Variants in RANBP2 observed in about 807,000 individuals in gnomAD.
The protein encoded by RANBP2 is E3 SUMO-protein ligase RanBP2.
Under a neutral mutation model 303.6 loss-of-function variants are expected in RANBP2, and 57 were observed. The observed-to-expected ratio is 0.19, with a 90% CI of 0.15 to 0.23. The LOEUF (loss-of-function observed/expected upper bound fraction) is 0.23, where lower values mean the gene tolerates loss of function less well. Among genes scored for constraint, RANBP2 ranks in the 10% least tolerant of loss-of-function variants. RANBP2 has a pLI of 1.00. For synonymous variants in RANBP2, 1,167 were observed against 1,301.5 expected, an observed-to-expected ratio of 0.90 and a Z score of 2.23; for missense variants, 3,138 against 3,780.8, an observed-to-expected ratio of 0.83 and a Z score of 4.46.
the RANBP2 span, among the ~76,000 whole-genome samples, chr2:109,136,439 G>C: frequency 1.3e-5 from 2 of 152,294 alleles, no homozygotes; most frequent in Admixed American, 1.3e-4. Context: ...TGGCAACAGT[G>C]AATGGTTTAC....
At chr2:109,538,283 C>T in the RANBP2 span, among the ~76,000 whole-genome samples, 1 of 152,212 alleles carries the variant, frequency 6.6e-6, no homozygotes, top group African/African-American at 2.4e-5. Flanking sequence ...CCAACCACAC[C>T]TAGACAGTCC....
the RANBP2 span, chr2:109,564,442 G>A: frequency 1.3e-6 from 2 of 1,598,862 alleles, no homozygotes; most frequent in Non-Finnish European, 1.7e-6. Flanking sequence ...AGCTCATAGT[G>A]CCTGGTATGG....
the RANBP2 span, chr2:109,614,648 C>A: frequency 6.8e-7 from 1 of 1,472,048 alleles, no homozygotes; most frequent in South Asian, 1.3e-5. Context: ...CCCGCGCCCG[C>A]GCGCACTTCA....
chr2:109,332,684 C>A, the RANBP2 span, among the ~76,000 whole-genome samples: 2 of 152,178 alleles, frequency 1.3e-5, no homozygotes, highest in Non-Finnish European at 2.9e-5. Context: ...GGCGATGAGT[C>A]ACCCTTCTGA....
the RANBP2 span, among the ~76,000 whole-genome samples, chr2:108,999,226 G>A: frequency 6.6e-6 from 1 of 152,268 alleles, no homozygotes; most frequent in Admixed American, 6.5e-5. Flanking sequence ...AAAAATAACA[G>A]TACCTACTTC....
At chr2:109,035,255 A>G in the RANBP2 span, among the ~76,000 whole-genome samples, 1 of 152,212 alleles carries the variant, frequency 6.6e-6, no homozygotes, top group African/African-American at 2.4e-5. Flanking sequence ...ATAGTGAAAT[A>G]TGACAAACAG....
chr2:109,069,939 C>G, the RANBP2 span, among the ~76,000 whole-genome samples: 1 of 152,184 alleles, frequency 6.6e-6, no homozygotes, highest in Non-Finnish European at 1.5e-5. Flanking sequence ...CAGGAATAAG[C>G]AGTGTACTTT....
At chr2:108,869,460 A>C in the RANBP2 span, among the ~76,000 whole-genome samples, 1 of 152,174 alleles carries the variant, frequency 6.6e-6, no homozygotes. Context: ...TGCCTCGTTC[A>C]GGGCACATAC....
the RANBP2 span, among the ~76,000 whole-genome samples, chr2:109,648,972 G>A: frequency 0.084 from 12,745 of 152,172 alleles, 968 homozygotes; most frequent in East Asian, 0.24. Context: ...ACTGGTTGCG[G>A]GTGAGAGGGC....
the RANBP2 span, among the ~76,000 whole-genome samples, chr2:109,326,112 C>T: frequency 3.3e-5 from 5 of 152,366 alleles, no homozygotes; most frequent in Non-Finnish European, 5.9e-5. Context: ...TTTAAGGACA[C>T]ACACGTATGT....
chr2:108,894,369 A>C, the RANBP2 span: 1 of 152,704 alleles, frequency 6.5e-6, no homozygotes, highest in Non-Finnish European at 1.5e-5. Context: ...CTCATCATAC[A>C]TAGGGCAATA....
chr2:109,719,716 T>C, the RANBP2 span, among the ~76,000 whole-genome samples: 1 of 152,060 alleles, frequency 6.6e-6, no homozygotes, highest in Non-Finnish European at 1.5e-5. Context: ...ATGAATTATA[T>C]CTTAATAAAG....
At chr2:109,654,292 T>G in the RANBP2 span, among the ~76,000 whole-genome samples, 45 of 152,114 alleles carry the variant, frequency 3.0e-4, 1 homozygote, top group East Asian at 8.4e-3. Context: ...TCTTGTAATT[T>G]GGAAGTCTAC....
At chr2:109,289,486 C>T in the RANBP2 span, among the ~76,000 whole-genome samples, 1 of 152,128 alleles carries the variant, frequency 6.6e-6, no homozygotes, top group Non-Finnish European at 1.5e-5. Flanking sequence ...TGGTGCTGCT[C>T]TTATACGCAC....
chr2:109,627,384 A>G, the RANBP2 span, among the ~76,000 whole-genome samples: 2 of 152,032 alleles, frequency 1.3e-5, no homozygotes, highest in Admixed American at 6.6e-5. Flanking sequence ...TTTAGTAGAG[A>G]TGGGGTTTCA....
chr2:108,749,516 T>C (rs1486078301), intron 9 of RANBP2, among the ~76,000 whole-genome samples: 2 of 152,042 alleles, frequency 1.3e-5, no homozygotes, highest in African/African-American at 4.8e-5. Context: ...CAGGCTGGTC[T>C]CAAACTCCTG....
chr2:108,907,993 T>C, the RANBP2 span: 1 of 1,610,450 alleles, frequency 6.2e-7, no homozygotes, highest in Non-Finnish European at 8.5e-7. Flanking sequence ...CAGCAGCTGC[T>C]CATTCTCGGA....
the RANBP2 span, among the ~76,000 whole-genome samples, chr2:109,741,371 A>G: frequency 1.1e-4 from 16 of 152,212 alleles, no homozygotes; most frequent in South Asian, 4.1e-4. Context: ...GATAGTTGTC[A>G]GCAAATCAGG....
At position 108,736,191 on chromosome 2, in the gene RANBP2, C is replaced by A. The variant is rs779174088; in HGVS notation, c.724C>A (p.Leu242Ile). The A allele has an allele frequency of 1.2e-6, 2 of 1,611,930 alleles. No individual in the cohort carries two copies. Among genetic ancestry groups the A allele is most frequent in the Non-Finnish European group, 8.5e-7 (1 of 1,179,834 alleles). ...AGACTTACTGCTGGCCTATGCTAAT[C>A]TTATGCTTCTTACGCTTTCCACTAG... Reference protein sequence around the residue: ...NTDLLLAYANLMLLTLSTRDV... With the variant: ...NTDLLLAYANIMLLTLSTRDV... The change falls in exon 6 of 29, where the codon CTT becomes ATT. Residue 242 changes from leucine (L) to isoleucine (I), a missense_variant. This residue lies in a region of RANBP2 where 306 missense variants were observed against 381.9 expected (regional missense o/e 0.80). Coordinates refer to ENST00000283195, the MANE Select transcript of RANBP2 (RefSeq NM_006267.5).
Sources: gnomAD v4.1 joint callset for allele counts (sites outside exome capture counted in the v4.1 genomes callset) on GRCh38, gnomAD v4.1.1 for gene constraint, gnomAD v4.1.1 regional missense constraint, MANE v1.5 for transcripts, NCBI Gene and HGNC (gene_info 2026-07-23, HGNC 2026-07-21) for gene names.